Variants in SCAF1 observed in about 807,000 individuals in gnomAD.
SCAF1 encodes the protein splicing factor, arginine/serine-rich 19.
In SCAF1, 28 loss-of-function variants were observed where a neutral mutation model predicts 91.2. That is an observed-to-expected ratio of 0.31 (90% CI 0.23 to 0.42). The LOEUF is 0.42. Among genes scored for constraint, SCAF1 ranks in the 10% least tolerant of loss-of-function variants. The pLI, the probability that SCAF1 is intolerant of heterozygous loss-of-function variation, is 1.00. For synonymous variants in SCAF1, 1,036 were observed against 833.7 expected (o/e 1.24, Z -4.18); for missense variants, 1,893 against 1,872.1 (o/e 1.01, Z -0.21).
chr19:49,651,024 C>T lies in SCAF1; in HGVS notation c.635C>T (p.Pro212Leu). ...TCCTCCCCTTCCCCTCCCCCACCCC[C>T]ACCGCCCCCTGCACCCCCAGCCCCA... ...SSSSPSPPPP[P>L]PPPAPPAPPA... The change falls in exon 7 of 11, where the codon CCA becomes CTA. Residue 212 changes from proline to leucine, a missense_variant. Pro to Leu is a moderately conservative substitution (Grantham distance 98). Transcript: ENST00000360565. 1.4e-6 allele frequency: 1 copy of T among 734,236 alleles called. No individual in the cohort carries two copies. The highest frequency in any genetic ancestry group is 1.8e-5 in the South Asian group (1 of 55,272). 45.5% of individuals were successfully genotyped at this position (734,236 alleles called of 1,614,324 possible).
Position 49,652,852 on chromosome 19 carries a change from C to CTCG in SCAF1, c.2469_2471dup (p.Ser825dup). 1.2e-6 allele frequency: 2 copies of CTCG among 1,614,062 alleles called. No homozygotes were observed. Among genetic ancestry groups the CTCG allele is most frequent in the Non-Finnish European group, 1.7e-6 (2 of 1,180,006 alleles). ...TCAGCAGCGGCTCAGGCTCTTCATC[C>CTCG]TCGTCGTCCTCCTGTTCTTCCCGGA... On this transcript the variant is annotated inframe_insertion, in exon 7 of 11. Coordinates refer to ENST00000360565, the MANE Select transcript of SCAF1 (RefSeq NM_021228.3).
At chr19:49,647,104 G>A (rs779383563) in intron 6 of SCAF1, among the ~76,000 whole-genome samples, 1 of 152,358 alleles carries the variant, frequency 6.6e-6, no homozygotes, top group African/African-American at 2.4e-5. Context: ...CTCCCCAGGA[G>A]GGGGACTCTT....
rs570691668 is a variant in SCAF1, at chr19:49,653,467, GGAA to G, written c.3087_3089del (p.Glu1039del). 1.5e-4 allele frequency: 226 copies of G among 1,546,784 alleles called. No homozygotes were observed. The highest frequency in any genetic ancestry group is 7.4e-4 in the Admixed American group (39 of 52,670). On this transcript the variant is annotated inframe_deletion, in exon 7 of 11. Transcript: ENST00000360565. ...GAGGTGGGGCGGAGGAGGAGGAGGA[GGAA>G]GAAGAAGAGGAGGAGGAAGAGGAAG... is the stretch of plus-strand genomic sequence containing the variant.
At chr19:49,649,983 A>G (rs2081076152) in intron 6 of SCAF1, among the ~76,000 whole-genome samples, 1 of 152,140 alleles carries the variant, frequency 6.6e-6, no homozygotes, top group South Asian at 2.1e-4. Context: ...CTCTGCTGGC[A>G]TCCTTGCCTG....
chr19:49,651,117 C>T lies in SCAF1; in HGVS notation c.728C>T (p.Ala243Val), dbSNP rs374387483. 3.7e-5 allele frequency: 59 copies of T among 1,611,636 alleles called. No homozygotes were observed. The highest frequency in any genetic ancestry group is 4.9e-5 in the Non-Finnish European group (58 of 1,179,454). The change falls in exon 7 of 11, where the codon GCT (alanine) becomes GTT (valine). Residue 243 changes from alanine to valine, a missense_variant. Physicochemically the swap from Ala to Val is moderately conservative, Grantham distance 64. Coordinates refer to ENST00000360565, the MANE Select transcript of SCAF1 (RefSeq NM_021228.3). ...PTDEAYSPPP[A>V]PEQKYDPFEP... ...GACGAGGCCTACTCTCCACCGCCTG[C>T]TCCGGAGCAAAAGTACGACCCTTTT... is the stretch of plus-strand genomic sequence containing the variant.
rs1463574966 is a variant in SCAF1, at chr19:49,651,791, C to G, written c.1402C>G (p.Pro468Ala). The G allele has an allele frequency of 9.4e-6, 12 of 1,276,890 alleles. No homozygotes were observed. Among genetic ancestry groups the G allele is most frequent in the Non-Finnish European group, 1.1e-5 (11 of 1,013,156 alleles). 79.1% of individuals were successfully genotyped at this position (1,276,890 alleles called of 1,614,324 possible). The change falls in exon 7 of 11, where the codon CCC (proline) becomes GCC (alanine). Residue 468 changes from proline to alanine, a missense_variant. Pro to Ala is a conservative substitution (Grantham distance 27, BLOSUM62 -1). Around this residue, in one of 5 missense-constraint regions of SCAF1, gnomAD observed 1,436 missense variants for 1,306.8 expected, o/e 1.10. Transcript: ENST00000360565. ...GCAGGTGGACCTAGGGGAGCCGGCTCCCGCGCCGCCCGCCGCCGACTCGCG... is the reference window on the plus strand; with the variant it reads ...GCAGGTGGACCTAGGGGAGCCGGCTGCCGCGCCGCCCGCCGCCGACTCGCG... Reference protein sequence around the residue: ...ALQVDLGEPAPAPPAADSRWG... With the variant: ...ALQVDLGEPAAAPPAADSRWG...
At position 49,658,348 on chromosome 19, in the gene SCAF1, G is replaced by A. The variant is rs748681706; in HGVS notation, c.3888G>A (p.Glu1296=). 5 of 1,574,544 alleles carry A rather than the reference G, an allele frequency of 3.2e-6. No individual in the cohort carries two copies. Among genetic ancestry groups the A allele is most frequent in the East Asian group, 4.7e-5 (2 of 42,326 alleles). The change falls in exon 11 of 11, where the codon GAG becomes GAA. Residue 1296 remains glutamate (E), a synonymous_variant. Coordinates refer to ENST00000360565, the MANE Select transcript of SCAF1 (RefSeq NM_021228.3). ...CAGGGCCCCCACGGCCGCCCAAGGA[G>A]CCAGGGCCCCCAGACAAGGGTGGCC... ...DPPGPPRPPK[E]PGPPDKGGPG... is the part of the protein sequence containing the mutation.
rs755998862 is a variant in SCAF1 at position 49,650,926 on chromosome 19, G to A, written c.537G>A (p.Thr179=). The A allele has an allele frequency of 8.7e-6, 14 of 1,605,844 alleles. No individual in the cohort carries two copies. The highest frequency in any genetic ancestry group is 6.7e-5 in the Admixed American group (4 of 59,326). ...PTCARHLTLG[T]GDGGPAPPPA... is the part of the protein sequence containing the mutation. ...GTGCCCGTCACCTCACCTTGGGCAC[G>A]GGAGACGGGGGCCCTGCCCCACCCC... Residue 179 remains threonine, a synonymous_variant, in exon 7 of 11, where the codon ACG becomes ACA. Coordinates refer to ENST00000360565, the MANE Select transcript of SCAF1 (RefSeq NM_021228.3).
chr19:49,647,451 A>G (rs1303550975), intron 6 of SCAF1, among the ~76,000 whole-genome samples: 2 of 152,214 alleles, frequency 1.3e-5, no homozygotes, highest in Non-Finnish European at 2.9e-5. Context: ...ATTTTAAACA[A>G]TACATGCTGC....
At position 49,653,480 on chromosome 19, in the gene SCAF1, G is replaced by T; in HGVS notation, c.3091G>T (p.Glu1031Ter). The T allele has an allele frequency of 6.4e-7, 1 of 1,557,402 alleles. No homozygotes were observed. Among genetic ancestry groups the T allele is most frequent in the East Asian group, 2.3e-5 (1 of 43,620 alleles). ...AEEEEEEEEE[E>*]EEEEEEEEQQ... ...GGAGGAGGAGGAGGAAGAAGAAGAGGAGGAGGAAGAGGAAGAGGAGGAGGA... is the reference window on the plus strand; with the variant it reads ...GGAGGAGGAGGAGGAAGAAGAAGAGTAGGAGGAAGAGGAAGAGGAGGAGGA... Residue 1031 changes from glutamate to a stop codon, truncating the protein, a stop_gained, in exon 7 of 11, where the codon GAG becomes TAG. Transcript: ENST00000360565. LOFTEE classifies it high-confidence loss of function.
chr19:49,646,270 T>G lies in SCAF1; in HGVS notation c.261+68T>G. ...AGGGAGGAAGGGATGGGGGCCTGAG[T>G]CTGGGGGAATGGGGTTTGGGGACCT... On this transcript the variant is annotated intron_variant, in intron 4 of 10. Coordinates refer to ENST00000360565, the MANE Select transcript of SCAF1 (RefSeq NM_021228.3). This position sits in a 1 kb window ranked among gnomAD's most constrained non-coding sequence, Gnocchi z 5.6. 23 of 958,534 alleles carry G rather than the reference T, an allele frequency of 2.4e-5. No homozygotes were observed. The highest frequency in any genetic ancestry group is 3.3e-5 in the Non-Finnish European group (21 of 639,556). The allele number at this position is 958,534 out of a possible 1,614,324, so 59.4% of individuals were successfully genotyped here. A position where few individuals can be genotyped will look rare whatever the true frequency, so the allele number is the denominator to read the frequency against.
chr19:49,646,704 C>G lies in SCAF1; in HGVS notation c.363-11C>G, dbSNP rs773634961. On this transcript the variant is annotated splice_polypyrimidine_tract_variant and intron_variant, in intron 5 of 10. Coordinates refer to ENST00000360565, the MANE Select transcript of SCAF1 (RefSeq NM_021228.3). The surrounding 1 kb of genome is among the most constrained non-coding windows in gnomAD (Gnocchi z 5.6). ...CACCCCTGAGGCTCACCCACCCCTTCCGCCTTGCAGAAGTGAGGACATGCT... is the reference window on the plus strand; with the variant it reads ...CACCCCTGAGGCTCACCCACCCCTTGCGCCTTGCAGAAGTGAGGACATGCT... 4 of 1,613,678 alleles carry G rather than the reference C, an allele frequency of 2.5e-6. No individual in the cohort carries two copies. Among genetic ancestry groups the G allele is most frequent in the Non-Finnish European group, 2.5e-6 (3 of 1,179,708 alleles).
intron 6 of SCAF1, among the ~76,000 whole-genome samples, chr19:49,647,595 A>G (rs1189933292): frequency 1.3e-5 from 2 of 152,196 alleles, no homozygotes; most frequent in African/African-American, 4.8e-5. Flanking sequence ...AGCCGTGAGC[A>G]CCAGTTCTGT....
chr19:49,651,725 T>G lies in SCAF1; in HGVS notation c.1336T>G (p.Phe446Val). Reference sequence around the variant, plus strand: ...TCCGCGGGCCCCCGAGGGGGACGACTTCTTGTCCCTGCATGCGGAGTCGGA... The same window carrying G: ...TCCGCGGGCCCCCGAGGGGGACGACGTCTTGTCCCTGCATGCGGAGTCGGA... ...PAPRAPEGDDFLSLHAESDGE... is the reference protein window; with the variant it reads ...PAPRAPEGDDVLSLHAESDGE... Residue 446 changes from phenylalanine to valine, a missense_variant, in exon 7 of 11, where the codon TTC becomes GTC. This residue lies in a region of SCAF1 where 1,436 missense variants were observed against 1,306.8 expected (regional missense o/e 1.10). Coordinates refer to ENST00000360565, the MANE Select transcript of SCAF1 (RefSeq NM_021228.3). The G allele has an allele frequency of 7.3e-7, 1 of 1,373,252 alleles. No homozygotes were observed. Among genetic ancestry groups the G allele is most frequent in the Non-Finnish European group, 9.3e-7 (1 of 1,073,762 alleles). 85.1% of individuals were successfully genotyped at this position (1,373,252 alleles called of 1,614,324 possible).
chr19:49,644,784 G>A (rs1435037479), intron 1 of SCAF1: 5 of 371,816 alleles, frequency 1.3e-5, no homozygotes, highest in Non-Finnish European at 2.4e-5. Context: ...TTTGACATAA[G>A]AGGCACCTGA....
chr19:49,654,536 T>A (rs1329240745), intron 8 of SCAF1, 105 bp downstream of exon 8: 1 of 1,369,756 alleles, frequency 7.3e-7, no homozygotes, highest in African/African-American at 1.4e-5. Context: ...GGTATCGGCC[T>A]GAAGAGGAGC....
Position 49,651,795 on chromosome 19 carries a change from C to T in SCAF1, c.1406C>T (p.Ala469Val), listed in dbSNP as rs960383623. 6.3e-5 allele frequency: 80 copies of T among 1,270,136 alleles called. No homozygotes were observed. Among genetic ancestry groups the T allele is most frequent in the African/African-American group, 9.6e-5 (6 of 62,542 alleles). The allele number at this position is 1,270,136 out of a possible 1,614,324, so 78.7% of individuals were successfully genotyped here. Residue 469 changes from alanine (A) to valine (V), a missense_variant, in exon 7 of 11, where the codon GCG (alanine) becomes GTG (valine). Physicochemically the swap from Ala to Val is moderately conservative, Grantham distance 64. Around this residue, in one of 5 missense-constraint regions of SCAF1, gnomAD observed 1,436 missense variants for 1,306.8 expected, o/e 1.10. Coordinates refer to ENST00000360565, the MANE Select transcript of SCAF1 (RefSeq NM_021228.3). ...LQVDLGEPAP[A>V]PPAADSRWGG... is the part of the protein sequence containing the mutation. ...GTGGACCTAGGGGAGCCGGCTCCCG[C>T]GCCGCCCGCCGCCGACTCGCGCTGG...
rs1294664903 is a variant in SCAF1, at chr19:49,646,580, C to A, written c.316C>A (p.Pro106Thr). 1.9e-6 allele frequency: 3 copies of A among 1,613,886 alleles called. No homozygotes were observed. The highest frequency in any genetic ancestry group is 2.2e-5 in the South Asian group (2 of 91,084). ...FLAGLVSVLDPPDTWVPSRLD... is the reference protein window; with the variant it reads ...FLAGLVSVLDTPDTWVPSRLD... ...CGCAGGGCTGGTGAGTGTCCTGGAT[C>A]CCCCGGATACCTGGGTTCCCAGCCG... The change falls in exon 5 of 11, where the codon CCC becomes ACC. Residue 106 changes from proline to threonine, a missense_variant. Pro to Thr is a conservative substitution (Grantham distance 38, BLOSUM62 -1). Coordinates refer to ENST00000360565, the MANE Select transcript of SCAF1 (RefSeq NM_021228.3). The surrounding 1 kb of genome is among the most constrained non-coding windows in gnomAD (Gnocchi z 5.6).
upstream of SCAF1, chr19:49,642,092 C>G (rs1424215082): frequency 6.6e-6 from 1 of 152,270 alleles, no homozygotes; most frequent in Non-Finnish European, 1.5e-5. This position sits in a 1 kb window ranked among gnomAD's most constrained non-coding sequence, Gnocchi z 4.0. Flanking sequence ...CGGTTGCCTT[C>G]CCGCCGGCCT....
Sources: gnomAD v4.1 joint callset for allele counts (sites outside exome capture counted in the v4.1 genomes callset) on GRCh38, gnomAD v4.1.1 for gene constraint, gnomAD v4.1.1 regional missense constraint, Gnocchi (gnomAD v3.1) non-coding constraint, MANE v1.5 for transcripts, NCBI Gene and HGNC (gene_info 2026-07-23, HGNC 2026-07-21) for gene names.